The following CDC20 variants were observed in gnomAD, a reference collection of about 807,000 sequenced individuals.
The protein encoded by CDC20 is cell division cycle 20.
A neutral mutation model predicts 60.0 loss-of-function variants in CDC20; 34 were observed. The ratio of observed to expected loss-of-function variants is 0.57; its 90% CI spans 0.43 to 0.75. The LOEUF (loss-of-function observed/expected upper bound fraction) is 0.75, where lower values mean the gene tolerates loss of function less well. CDC20 is among the 30% of genes least tolerant of loss of function. The pLI is 0.00. For synonymous variants in CDC20, 198 were observed against 243.5 expected (o/e 0.81, Z 1.74); for missense variants, 469 against 647.3 (o/e 0.72, Z 2.99).
Position 43,359,748 on chromosome 1 carries a change from G to A in CDC20, c.354G>A (p.Leu118=), listed in dbSNP as rs2069380. ...TKKEHQKAWA[L]NLNGFDVEEA... ...AGGAACATCAGAAAGCCTGGGCTTT[G>A]AACCTGAACGGTTTTGATGTAGAGG... The change falls in exon 4 of 11, where the codon TTG becomes TTA. Residue 118 remains leucine (L), a synonymous_variant. Transcript: ENST00000310955. 815 of 1,613,928 alleles carry A rather than the reference G, an allele frequency of 5.0e-4. 11 individuals are homozygous for A. In the African/African-American group the frequency reaches 1.0e-2, roughly 20 times the overall value.
chr1:43,359,559 G>T lies in CDC20; in HGVS notation c.251G>T (p.Ser84Ile). The T allele has an allele frequency of 6.2e-7, 1 of 1,614,126 alleles. No homozygotes were observed. Among genetic ancestry groups the T allele is most frequent in the Non-Finnish European group, 8.5e-7 (1 of 1,180,044 alleles). ...GGTGACCGCTATATCCCCCATCGCA[G>T]TGCTGCCCAGATGGAGGTGGCCAGC... Reference protein sequence around the residue: ...PGGDRYIPHRSAAQMEVASFL... With the variant: ...PGGDRYIPHRIAAQMEVASFL... Residue 84 changes from serine (S) to isoleucine (I), a missense_variant, in exon 3 of 11, where the codon AGT (serine) becomes ATT (isoleucine). Physicochemically the swap from Ser to Ile is moderately radical, Grantham distance 142. This residue lies in a region of CDC20 where 115 missense variants were observed against 156.1 expected (regional missense o/e 0.74). Transcript: ENST00000310955.
rs755023413 is a variant in CDC20, at chr1:43,362,313, G to T, written c.1321+1G>T. 38 of 1,310,994 alleles carry T rather than the reference G, an allele frequency of 2.9e-5. No homozygotes were observed. The highest frequency in any genetic ancestry group is 3.4e-5 in the Admixed American group (2 of 59,578). 81.2% of individuals were successfully genotyped at this position (1,310,994 alleles called of 1,614,324 possible). A position where few individuals can be genotyped will look rare whatever the true frequency, so the allele number is the denominator to read the frequency against. On this transcript the variant is annotated splice_donor_variant, in intron 10 of 10. Coordinates refer to ENST00000310955, the MANE Select transcript of CDC20 (RefSeq NM_001255.3). LOFTEE classifies it high-confidence loss of function. ...ATGGCCAAGGTGGCTGAACTCAAAG[G>T]TAAGTGGCTAGGTGAAAAGCCGGAC...
chr1:43,362,425 G>A (rs1647176801), intron 10 of CDC20, 113 bp downstream of exon 10: 2 of 625,300 alleles, frequency 3.2e-6, no homozygotes, highest in Non-Finnish European at 5.9e-6. Context: ...GGGGCTGAGA[G>A]AGGGTAATGG....
In CDC20 at chr1:43,363,040, C is replaced by T. The variant is rs761756771; in HGVS notation, c.1411C>T (p.Arg471Cys). Residue 471 changes from arginine to cysteine, a missense_variant, in exon 11 of 11, where the codon CGC (arginine) becomes TGC (cysteine). Around this residue, in one of 5 missense-constraint regions of CDC20, gnomAD observed 72 missense variants for 77.9 expected, o/e 0.92. Transcript: ENST00000310955. Reference protein sequence around the residue: ...AAADETLRLWRCFELDPARRR... With the variant: ...AAADETLRLWCCFELDPARRR... Reference sequence around the variant, plus strand: ...AGCAGATGAGACCCTGAGGCTATGGCGCTGTTTTGAGTTGGACCCTGCGCG... The same window carrying T: ...AGCAGATGAGACCCTGAGGCTATGGTGCTGTTTTGAGTTGGACCCTGCGCG... The T allele has an allele frequency of 3.1e-6, 5 of 1,613,504 alleles. No individual in the cohort carries two copies. Among genetic ancestry groups the T allele is most frequent in the East Asian group, 2.2e-5 (1 of 44,890 alleles).
In CDC20 at chr1:43,359,829, C is replaced by G. The variant is rs767219062; in HGVS notation, c.427+8C>G. The G allele has an allele frequency of 1.2e-6, 2 of 1,613,632 alleles. No homozygotes were observed. Among genetic ancestry groups the G allele is most frequent in the Non-Finnish European group, 1.7e-6 (2 of 1,179,840 alleles). On this transcript the variant is annotated splice_region_variant and intron_variant, in intron 4 of 10. Transcript: ENST00000310955. ...CACAAAATGCGCCAGAGGGTAAGAC[C>G]CGAAGTTCCTGGTTCCTGGAGGGAG...
rs1470384075 is a variant in CDC20, at chr1:43,360,281, C to A, written c.645C>A (p.Asp215Glu). 1 of 1,614,164 alleles carries A rather than the reference C, an allele frequency of 6.2e-7. No individual in the cohort carries two copies. The highest frequency in any genetic ancestry group is 1.3e-5 in the African/African-American group (1 of 75,044). Residue 215 changes from aspartate to glutamate, a missense_variant, in exon 6 of 11, where the codon GAC (aspartate) becomes GAA (glutamate). Physicochemically the swap from Asp to Glu is conservative, Grantham distance 45. Around this residue, in one of 5 missense-constraint regions of CDC20, gnomAD observed 255 missense variants for 326.7 expected, o/e 0.78. Coordinates refer to ENST00000310955, the MANE Select transcript of CDC20 (RefSeq NM_001255.3). ...SVYLWSASSG[D>E]ILQLLQMEQP... The stretch of plus-strand genomic sequence containing the variant: ...ACCTGTGGAGTGCAAGCTCTGGTGA[C>A]ATCCTGCAGCTTTTGCAAATGGAGC...
Position 43,360,741 on chromosome 1 carries a change from G to T in CDC20, c.857G>T (p.Arg286Leu). 6.2e-7 allele frequency: 1 copy of T among 1,613,338 alleles called. No individual in the cohort carries two copies. Among genetic ancestry groups the T allele is most frequent in the Non-Finnish European group, 8.5e-7 (1 of 1,179,394 alleles). The change falls in exon 8 of 11, where the codon CGT becomes CTT. Residue 286 changes from arginine to leucine, a missense_variant. Physicochemically the swap from Arg to Leu is moderately radical, Grantham distance 102. This residue lies in a region of CDC20 where 255 missense variants were observed against 326.7 expected (regional missense o/e 0.78). Transcript: ENST00000310955. ...CTTCTTTCCTCCTCCAGTGGTTCAC[G>T]TTCTGGCCACATCCACCACCATGAT... ...WNSYILSSGS[R>L]SGHIHHHDVR...
rs759858023 is a variant in CDC20 at position 43,359,184 on chromosome 1, C to G, written c.-32C>G. The G allele has an allele frequency of 6.2e-7, 1 of 1,609,902 alleles. No individual in the cohort carries two copies. Among genetic ancestry groups the G allele is most frequent in the Non-Finnish European group, 8.5e-7 (1 of 1,178,580 alleles). ...TCCTCCAGGGCTCCGTAGGCACCAA[C>G]TGCAAGGACCCCTCCCCCTGCGGGC... On this transcript the variant is annotated 5_prime_UTR_variant, in exon 2 of 11. Coordinates refer to ENST00000310955, the MANE Select transcript of CDC20 (RefSeq NM_001255.3).
Position 43,361,147 on chromosome 1 carries a change from A to G in CDC20, c.1105A>G (p.Asn369Asp), listed in dbSNP as rs1647171043. The change falls in exon 9 of 11, where the codon AAT becomes GAT. Residue 369 changes from asparagine (N) to aspartate (D), a missense_variant. Asn to Asp is a conservative substitution (Grantham distance 23). Coordinates refer to ENST00000310955, the MANE Select transcript of CDC20 (RefSeq NM_001255.3). ...KAVAWCPWQS[N>D]VLATGGGTSD... The stretch of plus-strand genomic sequence containing the variant: ...CGTAGCATGGTGTCCCTGGCAGTCC[A>G]ATGTCCTGGCAACAGGAGGGGGCAC... 3 of 1,613,888 alleles carry G rather than the reference A, an allele frequency of 1.9e-6. No individual in the cohort carries two copies. The highest frequency in any genetic ancestry group is 1.1e-5 in the South Asian group (1 of 91,080).
intron 5 of CDC20, 23 bp from the exon 6 acceptor site, chr1:43,360,170 G>A: frequency 6.2e-7 from 1 of 1,613,928 alleles, no homozygotes; most frequent in African/African-American, 1.3e-5. Flanking sequence ...GGAAGCTCAT[G>A]CTCTTCTCTC....
intron 9 of CDC20, 81 bp downstream of exon 9, chr1:43,361,326 T>G: frequency 1.5e-6 from 2 of 1,346,780 alleles, no homozygotes; most frequent in Non-Finnish European, 2.0e-6. Flanking sequence ...TCACCAACTC[T>G]ATGCCCTGGT....
chr1:43,359,436 C>A (rs1190154630), intron 2 of CDC20, 40 bp downstream of exon 2: 1 of 1,613,060 alleles, frequency 6.2e-7, no homozygotes, highest in Admixed American at 1.7e-5. Flanking sequence ...GAGCAGCCTT[C>A]ATACTTTCTC....
intron 4 of CDC20, 46 bp from the exon 5 acceptor site, chr1:43,359,923 G>A (rs773192807): frequency 2.5e-6 from 4 of 1,612,510 alleles, no homozygotes; most frequent in Non-Finnish European, 3.4e-6. Flanking sequence ...TGAGGGCAAG[G>A]GAGGTGTTGA....
At position 43,362,236 on chromosome 1, in the gene CDC20, C is replaced by T. The variant is rs775251958; in HGVS notation, c.1245C>T (p.Ile415=). The T allele has an allele frequency of 6.2e-7, 1 of 1,613,132 alleles. No homozygotes were observed. The highest frequency in any genetic ancestry group is 8.5e-7 in the Non-Finnish European group (1 of 1,179,072). The change falls in exon 10 of 11, where the codon ATC becomes ATT. Residue 415 remains isoleucine, a synonymous_variant. Transcript: ENST00000310955. ...GGTCTCCCCATTACAAGGAGCTCAT[C>T]TCAGGCCATGGCTTTGCACAGAACC... The part of the protein sequence containing the change: ...ILWSPHYKEL[I]SGHGFAQNQL...
chr1:43,360,616 TG>T, intron 7 of CDC20, 23 bp downstream of exon 7: 1 of 1,601,792 alleles, frequency 6.2e-7, no homozygotes, highest in Non-Finnish European at 8.6e-7. Context: ...TGTTGGTCTA[TG>T]GTAGTCTGAT....
At position 43,360,258 on chromosome 1, in the gene CDC20, C is replaced by T. The variant is rs1647166243; in HGVS notation, c.622C>T (p.Leu208=). The T allele has an allele frequency of 6.2e-7, 1 of 1,614,066 alleles. No homozygotes were observed. The highest frequency in any genetic ancestry group is 8.5e-7 in the Non-Finnish European group (1 of 1,180,034). ...CGTGGCACTGGACAACAGTGTGTAC[C>T]TGTGGAGTGCAAGCTCTGGTGACAT... ...LAVALDNSVY[L]WSASSGDILQ... The change falls in exon 6 of 11, where the codon CTG becomes TTG. Residue 208 remains leucine, a synonymous_variant. Coordinates refer to ENST00000310955, the MANE Select transcript of CDC20 (RefSeq NM_001255.3).
Position 43,363,068 on chromosome 1 carries a change from G to T in CDC20, c.1439G>T (p.Arg480Leu), listed in dbSNP as rs550872587. The change falls in exon 11 of 11, where the codon CGG becomes CTG. Residue 480 changes from arginine to leucine, a missense_variant. Around this residue, in one of 5 missense-constraint regions of CDC20, gnomAD observed 72 missense variants for 77.9 expected, o/e 0.92. Coordinates refer to ENST00000310955, the MANE Select transcript of CDC20 (RefSeq NM_001255.3). ...WRCFELDPAR[R>L]REREKASAAK... ...TGTTTTGAGTTGGACCCTGCGCGGC[G>T]GCGGGAGCGGGAGAAGGCCAGTGCA... The T allele has an allele frequency of 1.9e-6, 3 of 1,613,600 alleles. No homozygotes were observed. Among genetic ancestry groups the T allele is most frequent in the Non-Finnish European group, 2.5e-6 (3 of 1,179,880 alleles).
rs1291108935 is a variant in CDC20 at position 43,360,885 on chromosome 1, A to G, written c.1001A>G (p.Asn334Ser). 5.6e-6 allele frequency: 9 copies of G among 1,614,136 alleles called. No homozygotes were observed. The East Asian group carries it at 2.0e-4, about 36-fold the overall frequency. Residue 334 changes from asparagine to serine, a missense_variant, in exon 8 of 11, where the codon AAT becomes AGT. Physicochemically the swap from Asn to Ser is conservative, Grantham distance 46. Transcript: ENST00000310955. ...LASGGNDNLVNVWPSAPGEGG... is the reference protein window; with the variant it reads ...LASGGNDNLVSVWPSAPGEGG... Reference sequence around the variant, plus strand: ...AGTGGTGGTAATGATAACTTGGTCAATGTGTGGCCTAGTGCTCCTGGAGAG... The same window carrying G: ...AGTGGTGGTAATGATAACTTGGTCAGTGTGTGGCCTAGTGCTCCTGGAGAG...
chr1:43,361,248 A>C lies in CDC20; in HGVS notation c.1203+3A>C. Reference sequence around the variant, plus strand: ...GTGCCGTGGATGCCCATTCCCAGGTAATCTTTTGCCTGTTCCTGCCTCTCC... The same window carrying C: ...GTGCCGTGGATGCCCATTCCCAGGTCATCTTTTGCCTGTTCCTGCCTCTCC... On this transcript the variant is annotated splice_donor_region_variant and intron_variant, in intron 9 of 10. Coordinates refer to ENST00000310955, the MANE Select transcript of CDC20 (RefSeq NM_001255.3). The C allele has an allele frequency of 6.3e-7, 1 of 1,594,944 alleles. No homozygotes were observed.
Sources: gnomAD v4.1 joint callset for allele counts on GRCh38, gnomAD v4.1.1 for gene constraint, gnomAD v4.1.1 regional missense constraint, MANE v1.5 for transcripts, NCBI Gene and HGNC (gene_info 2026-07-23, HGNC 2026-07-21) for gene names.